The following HMGCLL1 variants were observed in gnomAD, a reference collection of about 807,000 sequenced individuals.
HMGCLL1 encodes 3-hydroxymethyl-3-methylglutaryl-CoA lyase, cytoplasmic.
HMGCLL1 carries 36 observed loss-of-function variants against 39.1 expected under a neutral mutation model. The observed-to-expected ratio is 0.92, with a 90% CI of 0.71 to 1.22. The LOEUF (loss-of-function observed/expected upper bound fraction) is 1.22, where lower values mean the gene tolerates loss of function less well. Ranked by LOEUF, HMGCLL1 falls within the 50% of genes most tolerant of loss-of-function variation. The probability of loss-of-function intolerance (pLI) is 0.00; values close to 1 mark genes in which losing one functional copy is unlikely to be tolerated. For synonymous variants in HMGCLL1, 149 were observed against 144.0 expected (o/e 1.03, Z -0.25); for missense variants, 451 against 416.5 (o/e 1.08, Z -0.72).
In HMGCLL1 at chr6:55,578,993, A is replaced by T; in HGVS notation, c.63T>A (p.His21Gln). 1 of 1,613,790 alleles carries T rather than the reference A, an allele frequency of 6.2e-7. No individual in the cohort carries two copies. Among genetic ancestry groups the T allele is most frequent in the African/African-American group, 1.3e-5 (1 of 75,048 alleles). Reference sequence around the variant, plus strand: ...CTGCCACTGAATCCCCGATCCAGAGATGCTCCCGGAGAAGCTGCTGGTAGC... The same window carrying T: ...CTGCCACTGAATCCCCGATCCAGAGTTGCTCCCGGAGAAGCTGCTGGTAGC... ...CLSYQQLLREHLWIGDSVAGA... is the reference protein window; with the variant it reads ...CLSYQQLLREQLWIGDSVAGA... Residue 21 changes from histidine (H) to glutamine (Q), a missense_variant, in exon 1 of 9, where the codon CAT becomes CAA. Coordinates refer to ENST00000274901, the MANE Select transcript of HMGCLL1 (RefSeq NM_001042406.2).
the HMGCLL1 span, among the ~76,000 whole-genome samples, chr6:55,670,124 A>G: frequency 6.6e-6 from 1 of 151,950 alleles, no homozygotes; most frequent in East Asian, 1.9e-4. Context: ...ACATGACCCT[A>G]TAGGAGCAGA....
At chr6:55,611,328 C>A in the HMGCLL1 span, among the ~76,000 whole-genome samples, 14 of 152,090 alleles carry the variant, frequency 9.2e-5, no homozygotes, top group Non-Finnish European at 1.9e-4. Context: ...CAAATAGACA[C>A]CCTAACATCA....
intron 1 of HMGCLL1, among the ~76,000 whole-genome samples, chr6:55,552,082 A>G (rs1770358267): frequency 6.6e-6 from 1 of 152,024 alleles, no homozygotes; most frequent in Non-Finnish European, 1.5e-5. Context: ...TAAATTATAA[A>G]AGTAATTTAA....
intron 7 of HMGCLL1, among the ~76,000 whole-genome samples, chr6:55,447,666 G>GTT (rs1204063152): frequency 1.3e-5 from 2 of 151,966 alleles, no homozygotes; most frequent in Non-Finnish European, 2.9e-5. Flanking sequence ...TTGCTGAATT[G>GTT]CTTACTTTTT....
intron 5 of HMGCLL1, among the ~76,000 whole-genome samples, chr6:55,503,403 T>C (rs1418710055): frequency 1.3e-5 from 2 of 151,818 alleles, no homozygotes; most frequent in African/African-American, 4.8e-5. Context: ...AGGTACTCTT[T>C]CTGGGATAGA....
chr6:55,586,057 G>A, the HMGCLL1 span, among the ~76,000 whole-genome samples: 10 of 151,876 alleles, frequency 6.6e-5, no homozygotes, highest in African/African-American at 9.7e-5. Context: ...TAATAAATAC[G>A]GGGCCATATA....
At chr6:55,613,317 G>A in the HMGCLL1 span, among the ~76,000 whole-genome samples, 1 of 152,188 alleles carries the variant, frequency 6.6e-6, no homozygotes, top group Non-Finnish European at 1.5e-5. Context: ...AGGCTGTGGA[G>A]AAATCGGAGC....
intron 7 of HMGCLL1, among the ~76,000 whole-genome samples, chr6:55,462,896 G>A (rs770760573): frequency 9.9e-5 from 15 of 152,074 alleles, no homozygotes; most frequent in African/African-American, 3.1e-4. Flanking sequence ...TAAAAACATC[G>A]TTTATGTAAA....
At chr6:55,567,811 T>A (rs1246146760) in intron 1 of HMGCLL1, among the ~76,000 whole-genome samples, 3 of 152,080 alleles carry the variant, frequency 2.0e-5, no homozygotes, top group African/African-American at 4.8e-5. Context: ...CCTGCTAGCG[T>A]CGGAGTGCCA....
intron 1 of HMGCLL1, among the ~76,000 whole-genome samples, chr6:55,560,437 C>T (rs1477568533): frequency 6.6e-6 from 1 of 152,102 alleles, no homozygotes; most frequent in African/African-American, 2.4e-5. Context: ...TCATGTGATA[C>T]CTATAAGCTG....
the HMGCLL1 span, among the ~76,000 whole-genome samples, chr6:55,585,415 A>C: frequency 1.3e-5 from 2 of 152,130 alleles, no homozygotes; most frequent in Non-Finnish European, 1.5e-5. Flanking sequence ...AACAGATATA[A>C]AAATATCTTT....
chr6:55,670,916 A>T, the HMGCLL1 span, among the ~76,000 whole-genome samples: 1 of 151,838 alleles, frequency 6.6e-6, no homozygotes, highest in African/African-American at 2.4e-5. Flanking sequence ...GACCCAACCA[A>T]ACTCACTTCA....
intron 1 of HMGCLL1, among the ~76,000 whole-genome samples, chr6:55,547,707 A>T (rs1770071456): frequency 6.6e-6 from 1 of 151,986 alleles, no homozygotes; most frequent in Admixed American, 6.6e-5. Context: ...AGGCTTTTTA[A>T]GGGGGCATTA....
At chr6:55,596,203 T>C in the HMGCLL1 span, among the ~76,000 whole-genome samples, 1 of 152,160 alleles carries the variant, frequency 6.6e-6, no homozygotes, top group Non-Finnish European at 1.5e-5. Context: ...GGTGTGCACC[T>C]GTAGTAGCAG....
rs368385220 is a variant in HMGCLL1 at position 55,514,129 on chromosome 6, A to G, written c.461T>C (p.Ile154Thr). Reference protein sequence around the residue: ...AASESFSKKNINCSIEESMGK... With the variant: ...AASESFSKKNTNCSIEESMGK... ...CATACTTTCTTCAATGGAACAGTTA[A>G]TATTCTTCTTGCTAAAGGATTCAGA... is the stretch of plus-strand genomic sequence containing the variant. Residue 154 changes from isoleucine (I) to threonine (T), a missense_variant, in exon 5 of 9, where the codon ATT becomes ACT. Ile to Thr is a moderately conservative substitution (Grantham distance 89). Coordinates refer to ENST00000274901, the MANE Select transcript of HMGCLL1 (RefSeq NM_001042406.2). The G allele has an allele frequency of 6.2e-7, 1 of 1,612,818 alleles. No individual in the cohort carries two copies. The highest frequency in any genetic ancestry group is 8.5e-7 in the Non-Finnish European group (1 of 1,179,246).
rs141175400 is a variant in HMGCLL1, at chr6:55,553,386, C to G, written c.109-11246G>C. On this transcript the variant is annotated intron_variant, in intron 1 of 8. Transcript: ENST00000274901. ...CCAGGAGGCGGAGGTTGTGGTGAAT[C>G]GAAATCAGGCCACCAAACTCCAGCC... Among the ~76,000 whole-genome samples the G allele has an allele frequency of 7.6e-4, 115 of 151,536 alleles. 2 individuals carry two copies. The East Asian group carries it at 0.022, about 29-fold the overall frequency.
chr6:55,446,939 C>G (rs185499312), intron 7 of HMGCLL1, among the ~76,000 whole-genome samples: 1 of 151,894 alleles, frequency 6.6e-6, no homozygotes, highest in East Asian at 1.9e-4. Flanking sequence ...ATTTAATAAT[C>G]TATAGTAATG....
At chr6:55,555,281 T>C (rs1770591079) in intron 1 of HMGCLL1, among the ~76,000 whole-genome samples, 1 of 152,292 alleles carries the variant, frequency 6.6e-6, no homozygotes, top group South Asian at 2.1e-4. Flanking sequence ...TGTGGCTCAC[T>C]TCCTCACTGC....
chr6:55,650,055 G>A, the HMGCLL1 span, among the ~76,000 whole-genome samples: 2 of 64,776 alleles, frequency 3.1e-5, no homozygotes, highest in Non-Finnish European at 6.2e-5. Context: ...CTGTCTGAAA[G>A]GTTATATATA....
Sources: gnomAD v4.1 joint callset for allele counts (sites outside exome capture counted in the v4.1 genomes callset) on GRCh38, gnomAD v4.1.1 for gene constraint, MANE v1.5 for transcripts, NCBI Gene and HGNC (gene_info 2026-07-23, HGNC 2026-07-21) for gene names.